KAZN: variants seen among roughly 807,000 people sequenced by gnomAD.
KAZN encodes the protein kazrin, periplakin interacting protein.
Under a neutral mutation model 87.4 loss-of-function variants are expected in KAZN, and 40 were observed. The observed-to-expected ratio is 0.46, with a 90% CI of 0.36 to 0.60. The LOEUF (loss-of-function observed/expected upper bound fraction) is 0.60, where lower values mean the gene tolerates loss of function less well. KAZN is among the 20% of genes least tolerant of loss of function. The pLI is 0.00. For missense variants in KAZN, 898 were observed against 1,073.9 expected (o/e 0.84, Z 2.29); for synonymous variants, 466 against 458.3 (o/e 1.02, Z -0.22).
chr1:14,276,344 T>C (rs1162949127), intron 2 of KAZN, among the ~76,000 whole-genome samples: 3 of 152,208 alleles, frequency 2.0e-5, no homozygotes, highest in Admixed American at 6.5e-5. Flanking sequence ...GAAGATCTTA[T>C]GGTTTTTCTC....
intron 1 of KAZN, among the ~76,000 whole-genome samples, chr1:14,909,702 T>G (rs1394691265): frequency 2.0e-5 from 3 of 152,202 alleles, no homozygotes; most frequent in Non-Finnish European, 4.4e-5. Context: ...ACAACTTGAC[T>G]TTCTCCCATC....
chr1:14,382,457 A>C (rs1326473645), intron 2 of KAZN, among the ~76,000 whole-genome samples: 6 of 45,848 alleles, frequency 1.3e-4, no homozygotes, highest in East Asian at 1.9e-3. Flanking sequence ...TCCCAATGCT[A>C]TCCCTCCCCC....
chr1:14,092,755 G>T (rs1338923367), intron 1 of KAZN, among the ~76,000 whole-genome samples: 1 of 151,854 alleles, frequency 6.6e-6, no homozygotes, highest in Non-Finnish European at 1.5e-5. Context: ...CTCCCCTTTT[G>T]TTTTTATCTC....
At position 15,094,418 on chromosome 1, in the gene KAZN, C is replaced by T. The variant is rs1240986592; in HGVS notation, c.1428+33C>T. 22 of 1,576,360 alleles carry T rather than the reference C, an allele frequency of 1.4e-5. No individual in the cohort carries two copies. The highest frequency in any genetic ancestry group is 1.3e-5 in the African/African-American group (1 of 74,202). On this transcript the variant is annotated intron_variant, in intron 9 of 14. Coordinates refer to ENST00000376030, the MANE Select transcript of KAZN (RefSeq NM_201628.3). This position sits in a 1 kb window ranked among gnomAD's most constrained non-coding sequence, Gnocchi z 4.5. The stretch of plus-strand genomic sequence containing the variant: ...ACTCCGGGCCCCCTATGGGATGCCA[C>T]CCATGCCCTCTGTGAGCTTTACGTA...
intron 1 of KAZN, among the ~76,000 whole-genome samples, chr1:13,958,637 G>T (rs1381298751): frequency 1.3e-5 from 2 of 151,976 alleles, no homozygotes; most frequent in East Asian, 3.9e-4. Flanking sequence ...GGGCAGATCA[G>T]GGAAGGCTTC....
At chr1:14,167,614 T>C (rs545851401) in intron 1 of KAZN, among the ~76,000 whole-genome samples, 20 of 151,890 alleles carry the variant, frequency 1.3e-4, no homozygotes, top group Non-Finnish European at 2.8e-4. Context: ...TTCCAGCTAC[T>C]AGAGAGGCTG....
chr1:15,073,416 G>C (rs1639602521), intron 8 of KAZN, among the ~76,000 whole-genome samples: 1 of 152,180 alleles, frequency 6.6e-6, no homozygotes, highest in South Asian at 2.1e-4. Flanking sequence ...CCCGTGGGTT[G>C]GAGGGCAGAC....
chr1:14,979,253 G>A (rs951455164), intron 2 of KAZN, among the ~76,000 whole-genome samples: 3 of 150,992 alleles, frequency 2.0e-5, no homozygotes, highest in Admixed American at 2.0e-4. Context: ...TACTAAAAAT[G>A]CAAAAATCTG....
At chr1:14,430,225 A>C (rs1199012918) in intron 2 of KAZN, among the ~76,000 whole-genome samples, 1 of 152,082 alleles carries the variant, frequency 6.6e-6, no homozygotes, top group East Asian at 1.9e-4. Flanking sequence ...AAAAAAAAAA[A>C]AAAAAACTCT....
At chr1:14,999,154 C>T (rs1313940160) in intron 2 of KAZN, among the ~76,000 whole-genome samples, 3 of 152,174 alleles carry the variant, frequency 2.0e-5, no homozygotes, top group Admixed American at 6.5e-5. Flanking sequence ...CCACTGTGCT[C>T]CAGCCTGGGT....
intron 1 of KAZN, among the ~76,000 whole-genome samples, chr1:14,822,977 G>A (rs988754440): frequency 3.9e-5 from 6 of 152,164 alleles, no homozygotes; most frequent in African/African-American, 1.4e-4. Flanking sequence ...AAAGGGGATC[G>A]CCACCATCCT....
intron 1 of KAZN, among the ~76,000 whole-genome samples, chr1:14,137,329 G>A (rs958049028): frequency 8.5e-5 from 13 of 152,146 alleles, no homozygotes; most frequent in Non-Finnish European, 1.8e-4. Flanking sequence ...TCCCAGGTGC[G>A]TGGGTCAGGT....
At chr1:14,202,127 T>C (rs820492) in intron 2 of KAZN, among the ~76,000 whole-genome samples, 70,755 of 152,262 alleles carry the variant, frequency 0.46, 17,740 homozygotes, top group Non-Finnish European at 0.57. Context: ...TAGAGCAAGA[T>C]GGGGGTCAGT....
intron 1 of KAZN, among the ~76,000 whole-genome samples, chr1:14,933,268 T>C (rs573485599): frequency 3.3e-5 from 5 of 151,934 alleles, no homozygotes; most frequent in South Asian, 2.1e-4. Flanking sequence ...ATTTTTTGGA[T>C]TTTTAGTAGA....
intron 2 of KAZN, among the ~76,000 whole-genome samples, chr1:14,273,170 C>T (rs1652085055): frequency 6.6e-6 from 1 of 151,964 alleles, no homozygotes; most frequent in African/African-American, 2.4e-5. Context: ...GGTGTGTTGG[C>T]TTATTTGTGT....
At chr1:15,083,997 A>G (rs1640132881) in intron 8 of KAZN, among the ~76,000 whole-genome samples, 1 of 152,148 alleles carries the variant, frequency 6.6e-6, no homozygotes, top group South Asian at 2.1e-4. Context: ...TTCACTTCCC[A>G]TCTGAAATGT....
At chr1:14,146,064 C>T (rs1645342424) in intron 1 of KAZN, among the ~76,000 whole-genome samples, 2 of 152,012 alleles carry the variant, frequency 1.3e-5, no homozygotes, top group South Asian at 2.1e-4. Flanking sequence ...GATCTCTGTC[C>T]TCTTGTTCCC....
At chr1:14,704,217 G>A (rs758286097) in intron 1 of KAZN, among the ~76,000 whole-genome samples, 14 of 152,314 alleles carry the variant, frequency 9.2e-5, no homozygotes, top group Non-Finnish European at 1.6e-4. Context: ...TCAAGAATAG[G>A]GAAGAAGTGT....
chr1:14,898,391 A>T (rs1655492508), intron 1 of KAZN, among the ~76,000 whole-genome samples: 1 of 152,154 alleles, frequency 6.6e-6, no homozygotes, highest in South Asian at 2.1e-4. Context: ...CTTTCTCAGG[A>T]GTGGCTGTGT....
Sources: allele counts gnomAD v4.1 joint callset (sites outside exome capture counted in the v4.1 genomes callset), GRCh38; gene constraint gnomAD v4.1.1; non-coding constraint Gnocchi (gnomAD v3.1); transcripts MANE v1.5; gene names NCBI Gene and HGNC (gene_info 2026-07-23, HGNC 2026-07-21).